CA8: variants seen among roughly 807,000 people sequenced by gnomAD.
CA8 encodes carbonic anhydrase 8 (inactive).
A neutral mutation model predicts 41.4 loss-of-function variants in CA8; 22 were observed. The observed-to-expected ratio is 0.53, with a 90% CI of 0.38 to 0.76. The LOEUF (loss-of-function observed/expected upper bound fraction) is 0.76, where lower values mean the gene tolerates loss of function less well. Ranked by LOEUF, CA8 falls within the 30% of genes least tolerant of loss-of-function variation. The probability of loss-of-function intolerance (pLI) is 0.00; values close to 1 mark genes in which losing one functional copy is unlikely to be tolerated. For missense variants in CA8, 270 were observed against 352.8 expected, an observed-to-expected ratio of 0.77 and a Z score of 1.88; for synonymous variants, 121 against 130.6, an observed-to-expected ratio of 0.93 and a Z score of 0.50.
intron 8 of CA8, among the ~76,000 whole-genome samples, chr8:60,197,962 G>A (rs550283392): frequency 6.6e-6 from 1 of 152,146 alleles, no homozygotes; most frequent in African/African-American, 2.4e-5. Context: ...CATAACCCTT[G>A]TAGAGGGTAC....
intron 8 of CA8, among the ~76,000 whole-genome samples, chr8:60,207,200 G>A (rs778913976): frequency 6.6e-6 from 1 of 152,204 alleles, no homozygotes; most frequent in Non-Finnish European, 1.5e-5. Flanking sequence ...CAGCTCCACT[G>A]CTCAATCACT....
intron 7 of CA8, among the ~76,000 whole-genome samples, chr8:60,210,842 T>G (rs1303038154): frequency 6.6e-6 from 1 of 152,240 alleles, no homozygotes; most frequent in Non-Finnish European, 1.5e-5. Flanking sequence ...CTTCTTCAGC[T>G]ATTAGAATGA....
chr8:60,255,252 C>A (rs558650029), intron 3 of CA8, among the ~76,000 whole-genome samples: 13 of 151,290 alleles, frequency 8.6e-5, no homozygotes, highest in Non-Finnish European at 1.9e-4. Context: ...CAGCCCCCCA[C>A]CGCCCTACCT....
intron 7 of CA8, among the ~76,000 whole-genome samples, chr8:60,214,250 G>A (rs1425257066): frequency 6.6e-5 from 10 of 152,378 alleles, no homozygotes; most frequent in Admixed American, 2.0e-4. Flanking sequence ...TCGTCCTCAT[G>A]TAGCAGAAGG....
intron 8 of CA8, among the ~76,000 whole-genome samples, chr8:60,194,048 C>A (rs569764512): frequency 3.3e-4 from 51 of 152,270 alleles, no homozygotes; most frequent in African/African-American, 1.1e-3. Flanking sequence ...GTTCTCATTT[C>A]TGCTATCATG....
chr8:60,237,322 G>A (rs1414792891), intron 3 of CA8, among the ~76,000 whole-genome samples: 3 of 152,072 alleles, frequency 2.0e-5, no homozygotes, highest in Non-Finnish European at 2.9e-5. Flanking sequence ...TTCTTATCAC[G>A]TTTTACTGTT....
chr8:60,203,804 C>T (rs1255012119), intron 8 of CA8, among the ~76,000 whole-genome samples: 1 of 152,064 alleles, frequency 6.6e-6, no homozygotes, highest in Non-Finnish European at 1.5e-5. Context: ...TGGAGACTTA[C>T]TAACAAAACC....
At chr8:60,191,013 T>C (rs532930132) in intron 8 of CA8, among the ~76,000 whole-genome samples, 2 of 149,094 alleles carry the variant, frequency 1.3e-5, no homozygotes, top group Non-Finnish European at 3.0e-5. Flanking sequence ...CATACAAATA[T>C]ATAGAATGTC....
chr8:60,232,364 A>G lies in CA8; in HGVS notation c.433T>C (p.Trp145Arg). 6.2e-7 allele frequency: 1 copy of G among 1,613,588 alleles called. No homozygotes were observed. The highest frequency in any genetic ancestry group is 8.5e-7 in the Non-Finnish European group (1 of 1,179,496). ...ATGCTGCCAAACAGAGTGGAGTTCC[A>G]GTGGATCAGATGGAGCTGAGTGAGT... ...AFPMELHLIH[W>R]NSTLFGSIDE... Residue 145 changes from tryptophan (W) to arginine (R), a missense_variant, in exon 4 of 9, where the codon TGG becomes CGG. Physicochemically the swap from Trp to Arg is moderately radical, Grantham distance 101. Around this residue, in one of 3 missense-constraint regions of CA8, gnomAD observed 141 missense variants for 191.6 expected, o/e 0.74. Coordinates refer to ENST00000317995, the MANE Select transcript of CA8 (RefSeq NM_004056.6).
intron 8 of CA8, among the ~76,000 whole-genome samples, chr8:60,197,898 A>G (rs556658823): frequency 6.6e-6 from 1 of 152,346 alleles, no homozygotes; most frequent in African/African-American, 2.4e-5. Flanking sequence ...GGTTAAAAAA[A>G]TGGCAAAAAT....
At chr8:60,199,724 T>C (rs1007084719) in intron 8 of CA8, among the ~76,000 whole-genome samples, 6 of 152,232 alleles carry the variant, frequency 3.9e-5, no homozygotes, top group South Asian at 2.1e-4. Flanking sequence ...CTGGGCATTA[T>C]CTAGTACTGG....
At chr8:60,220,081 G>A (rs548933595) in intron 7 of CA8, among the ~76,000 whole-genome samples, 9 of 152,078 alleles carry the variant, frequency 5.9e-5, no homozygotes, top group South Asian at 2.1e-4. Context: ...AACATTCTAC[G>A]GAAACATCTC....
At position 60,187,119 on chromosome 8, in the gene CA8, C is replaced by A. The variant is rs1254761011; in HGVS notation, c.*2902G>T. Reference sequence around the variant, plus strand: ...ACCTCGATAAATTTAAGACTGAGATCATATAAAGTATGTTTTCTGATCACA... The same window carrying A: ...ACCTCGATAAATTTAAGACTGAGATAATATAAAGTATGTTTTCTGATCACA... On this transcript the variant is annotated 3_prime_UTR_variant, in exon 9 of 9. Coordinates refer to ENST00000317995, the MANE Select transcript of CA8 (RefSeq NM_004056.6). Among the ~76,000 whole-genome samples the A allele has an allele frequency of 6.6e-6, 1 of 151,934 alleles. No homozygotes were observed. Among genetic ancestry groups the A allele is most frequent in the Admixed American group, 6.6e-5 (1 of 15,246 alleles).
chr8:60,242,713 G>A (rs758288513), intron 3 of CA8, among the ~76,000 whole-genome samples: 2 of 152,190 alleles, frequency 1.3e-5, no homozygotes, highest in Admixed American at 6.5e-5. Flanking sequence ...ACTGTCTATC[G>A]TGTGATGCCC....
chr8:60,277,926 A>G (rs1192852356), intron 2 of CA8, among the ~76,000 whole-genome samples: 1 of 152,206 alleles, frequency 6.6e-6, no homozygotes, highest in Non-Finnish European at 1.5e-5. Context: ...GAGGCAGGAA[A>G]AAAGGGTTCT....
rs1034561152 is a variant in CA8 at position 60,186,459 on chromosome 8, A to T, written c.*3562T>A. ...TATACTAGAAAATATTCACCTAATT[A>T]AAAAAAAAGTAATAGAGGAGGAATA... On this transcript the variant is annotated 3_prime_UTR_variant, in exon 9 of 9. Coordinates refer to ENST00000317995, the MANE Select transcript of CA8 (RefSeq NM_004056.6). Among the ~76,000 whole-genome samples, 8 of 137,612 alleles carry T rather than the reference A, an allele frequency of 5.8e-5. No individual in the cohort carries two copies. Among genetic ancestry groups the T allele is most frequent in the Non-Finnish European group, 3.3e-5 (2 of 60,634 alleles). 90.3% of individuals were successfully genotyped at this position (137,612 alleles called of 152,430 possible).
At chr8:60,266,159 T>A in intron 2 of CA8, 110 bp from the exon 3 acceptor site, 3 of 1,009,994 alleles carry the variant, frequency 3.0e-6, no homozygotes, top group Non-Finnish European at 2.9e-6. Context: ...GCTCTACAGA[T>A]TAAATTCACA....
intron 3 of CA8, among the ~76,000 whole-genome samples, chr8:60,249,679 T>C (rs1808378203): frequency 6.6e-6 from 1 of 152,196 alleles, no homozygotes; most frequent in African/African-American, 2.4e-5. Context: ...CTAAAAGGTA[T>C]TTTCTGTATC....
intron 2 of CA8, among the ~76,000 whole-genome samples, chr8:60,279,369 G>A (rs1411237517): frequency 2.0e-5 from 3 of 152,106 alleles, no homozygotes; most frequent in South Asian, 2.1e-4. Flanking sequence ...CAACAATTTT[G>A]GACAAAACGC....
Sources: allele counts gnomAD v4.1 joint callset (sites outside exome capture counted in the v4.1 genomes callset), GRCh38; gene constraint gnomAD v4.1.1; regional missense constraint gnomAD v4.1.1; transcripts MANE v1.5; gene names NCBI Gene and HGNC (gene_info 2026-07-23, HGNC 2026-07-21).